Variants in PKHD1L1 observed in about 807,000 individuals in gnomAD.
The protein encoded by PKHD1L1 is fibrocystin-L.
Under a neutral mutation model 462.9 loss-of-function variants are expected in PKHD1L1, and 434 were observed. The ratio of observed to expected loss-of-function variants is 0.94; its 90% confidence interval spans 0.87 to 1.02. PKHD1L1 has a LOEUF of 1.02. Among genes scored for constraint, PKHD1L1 ranks in the 50% least tolerant of loss-of-function variants. The probability of loss-of-function intolerance (pLI) is 0.00; values close to 1 mark genes in which losing one functional copy is unlikely to be tolerated. For synonymous variants in PKHD1L1, 1,781 were observed against 1,750.0 expected (o/e 1.02, Z -0.44); for missense variants, 5,202 against 5,096.1 (o/e 1.02, Z -0.63).
chr8:109,402,290 C>G (rs1351984763), intron 14 of PKHD1L1, among the ~76,000 whole-genome samples: 4 of 152,194 alleles, frequency 2.6e-5, no homozygotes, highest in Admixed American at 6.6e-5. Flanking sequence ...GCACCTCAGA[C>G]TGTAGCAACA....
chr8:109,364,711 T>C (rs1278430612), intron 2 of PKHD1L1, 75 bp downstream of exon 2: 1 of 990,642 alleles, frequency 1.0e-6, no homozygotes, highest in African/African-American at 1.7e-5. Context: ...TAGAGCTTTA[T>C]GGACAAACAA....
chr8:109,437,465 G>A (rs1358208361), intron 30 of PKHD1L1, among the ~76,000 whole-genome samples: 2 of 150,680 alleles, frequency 1.3e-5, no homozygotes, highest in Admixed American at 6.6e-5. Flanking sequence ...TTAACATTAG[G>A]TATATCTCCT....
chr8:109,456,445 T>G, intron 46 of PKHD1L1, 54 bp downstream of exon 46: 2 of 1,493,146 alleles, frequency 1.3e-6, no homozygotes, highest in East Asian at 2.4e-5. Context: ...ATTTTTATAC[T>G]GTATAAAGAG....
At chr8:109,516,410 G>T (rs961910861) in intron 72 of PKHD1L1, among the ~76,000 whole-genome samples, 1 of 152,048 alleles carries the variant, frequency 6.6e-6, no homozygotes, top group Non-Finnish European at 1.5e-5. Flanking sequence ...GTGCAAGCAA[G>T]CTCCCTGGTG....
intron 77 of PKHD1L1, among the ~76,000 whole-genome samples, chr8:109,528,154 A>T (rs1489834768): frequency 6.6e-6 from 1 of 152,218 alleles, no homozygotes. Context: ...GAAAGTTGGG[A>T]CTGTATAAAA....
In PKHD1L1 at chr8:109,533,413, T is replaced by C. The variant is rs1457341083; in HGVS notation, c.*3323T>C. On this transcript the variant is annotated 3_prime_UTR_variant, in exon 78 of 78. Transcript: ENST00000378402. The stretch of plus-strand genomic sequence containing the variant: ...TGTCAATCCCTGGCCCAGTAAACCA[T>C]TAGGCTTCTTATTACACTGGAACAG... 6.6e-6 allele frequency among the ~76,000 whole-genome samples: 1 copy of C among 152,214 alleles called. No homozygotes were observed. Among genetic ancestry groups the C allele is most frequent in the Admixed American group, 6.5e-5 (1 of 15,280 alleles).
intron 48 of PKHD1L1, 115 bp downstream of exon 48, chr8:109,462,023 A>T (rs1817165941): frequency 2.4e-6 from 3 of 1,251,218 alleles, no homozygotes; most frequent in Non-Finnish European, 1.1e-6. Context: ...GGGGAGACAG[A>T]TACATAAGTA....
intron 2 of PKHD1L1, among the ~76,000 whole-genome samples, chr8:109,373,158 A>G (rs1185298893): frequency 1.3e-5 from 2 of 152,090 alleles, no homozygotes; most frequent in African/African-American, 4.8e-5. Flanking sequence ...TTGGTAAGCT[A>G]TTAATTATTG....
intron 39 of PKHD1L1, among the ~76,000 whole-genome samples, chr8:109,448,596 C>G (rs1376100192): frequency 6.6e-6 from 1 of 151,274 alleles, no homozygotes; most frequent in African/African-American, 2.4e-5. Context: ...ATTGCAAGCT[C>G]TGCCTCCCAG....
intron 47 of PKHD1L1, among the ~76,000 whole-genome samples, chr8:109,460,142 C>A (rs1176812249): frequency 6.6e-6 from 1 of 151,914 alleles, no homozygotes; most frequent in Non-Finnish European, 1.5e-5. Flanking sequence ...AAATTATCTT[C>A]CTATAATTAT....
chr8:109,458,199 T>C (rs1816924046), intron 46 of PKHD1L1, among the ~76,000 whole-genome samples: 1 of 152,194 alleles, frequency 6.6e-6, no homozygotes, highest in Non-Finnish European at 1.5e-5. Context: ...CACAAATCTT[T>C]TTCAGTGACC....
At chr8:109,489,832 A>T in intron 59 of PKHD1L1, 120 bp from the exon 60 acceptor site, 1 of 686,358 alleles carries the variant, frequency 1.5e-6, no homozygotes, top group Non-Finnish European at 2.6e-6. Context: ...CTTCTGGATT[A>T]AAGGAGCAAA....
rs1476799692 is a variant in PKHD1L1 at position 109,486,635 on chromosome 8, C to G, written c.9707-13C>G. 9 of 1,608,646 alleles carry G rather than the reference C, an allele frequency of 5.6e-6. No homozygotes were observed. The highest frequency in any genetic ancestry group is 2.7e-5 in the African/African-American group (2 of 74,626). On this transcript the variant is annotated splice_polypyrimidine_tract_variant and intron_variant, in intron 58 of 77. Coordinates refer to ENST00000378402, the MANE Select transcript of PKHD1L1 (RefSeq NM_177531.6). ...TCAGCATTGGCAATAATCTAGCTGC[C>G]TTTATACTGCAGCTGAAAAATACCA... is the stretch of plus-strand genomic sequence containing the variant.
chr8:109,442,264 G>T (rs765963228), intron 35 of PKHD1L1, 69 bp downstream of exon 35: 52 of 1,393,876 alleles, frequency 3.7e-5, no homozygotes, highest in Non-Finnish European at 4.9e-5. Context: ...GACATTTTGT[G>T]TAGATTTAAT....
intron 43 of PKHD1L1, 83 bp from the exon 44 acceptor site, chr8:109,454,084 G>T: frequency 4.1e-6 from 3 of 738,206 alleles, no homozygotes; most frequent in Non-Finnish European, 4.3e-6. Context: ...TAATAATTAT[G>T]TTAAATTGTA....
At chr8:109,410,262 G>T (rs1312875150) in intron 19 of PKHD1L1, among the ~76,000 whole-genome samples, 2 of 152,080 alleles carry the variant, frequency 1.3e-5, no homozygotes, top group African/African-American at 4.8e-5. Context: ...TGTTTATTTT[G>T]TGTATAGGCC....
Position 109,454,734 on chromosome 8 carries a change from G to A in PKHD1L1, c.6756G>A (p.Glu2252=). Residue 2252 remains glutamate (E), a synonymous_variant, in exon 45 of 78, where the codon GAG becomes GAA. Transcript: ENST00000378402. ...TDGGVLQIGT[E]TSPFQHKAVI... ...GACATCTTTTGCAGATTGGAACAGA[G>A]ACATCCCCATTCCAACACAAGGCTG... 6.2e-7 allele frequency: 1 copy of A among 1,613,734 alleles called. No homozygotes were observed. Among genetic ancestry groups the A allele is most frequent in the South Asian group, 1.1e-5 (1 of 91,052 alleles).
chr8:109,467,814 C>T (rs1005582353), intron 50 of PKHD1L1, among the ~76,000 whole-genome samples: 2 of 152,046 alleles, frequency 1.3e-5, no homozygotes, highest in African/African-American at 4.8e-5. Context: ...TGGTTTTTTA[C>T]ATTTTCTGGG....
intron 46 of PKHD1L1, among the ~76,000 whole-genome samples, chr8:109,457,506 A>T (rs1372890858): frequency 6.6e-6 from 1 of 152,152 alleles, no homozygotes; most frequent in Non-Finnish European, 1.5e-5. Flanking sequence ...TCACTGTGTC[A>T]TTGATAAATC....
Sources: gnomAD v4.1 joint callset for allele counts (sites outside exome capture counted in the v4.1 genomes callset) on GRCh38, gnomAD v4.1.1 for gene constraint, MANE v1.5 for transcripts, NCBI Gene and HGNC (gene_info 2026-07-23, HGNC 2026-07-21) for gene names.